GSR: variants seen among roughly 807,000 people sequenced by gnomAD.
The protein encoded by GSR is glutathione-disulfide reductase.
Under a neutral mutation model 56.5 loss-of-function variants are expected in GSR, and 48 were observed. The ratio of observed to expected loss-of-function variants is 0.85; its 90% CI spans 0.67 to 1.08. The LOEUF (loss-of-function observed/expected upper bound fraction) is 1.08, where lower values mean the gene tolerates loss of function less well. Ranked by LOEUF, GSR falls within the 50% of genes least tolerant of loss-of-function variation. GSR has a pLI of 0.00. For synonymous variants in GSR, 264 were observed against 270.8 expected (o/e 0.97, Z 0.25); for missense variants, 694 against 703.3 (o/e 0.99, Z 0.15).
chr8:30,699,210 G>C (rs1198748931), intron 6 of GSR, among the ~76,000 whole-genome samples: 1 of 151,984 alleles, frequency 6.6e-6, no homozygotes, highest in Non-Finnish European at 1.5e-5. Context: ...AGGATTGCTT[G>C]AGCCCAAGAG....
At chr8:30,720,268 T>C (rs1485388382) in intron 1 of GSR, among the ~76,000 whole-genome samples, 1 of 152,122 alleles carries the variant, frequency 6.6e-6, no homozygotes, top group Admixed American at 6.6e-5. Context: ...CACCACAGAA[T>C]TGCCTACAGT....
chr8:30,723,153 T>C (rs975645829), intron 1 of GSR, among the ~76,000 whole-genome samples: 2 of 152,112 alleles, frequency 1.3e-5, no homozygotes, highest in Non-Finnish European at 2.9e-5. Context: ...AGCAGCAATT[T>C]AGAAACAACT....
At chr8:30,718,724 G>A (rs1804426001) in intron 1 of GSR, among the ~76,000 whole-genome samples, 1 of 152,012 alleles carries the variant, frequency 6.6e-6, no homozygotes. Flanking sequence ...TTCTCCAGGT[G>A]GGCATTAATG....
At chr8:30,724,961 T>C (rs1172163414) in intron 1 of GSR, among the ~76,000 whole-genome samples, 1 of 152,202 alleles carries the variant, frequency 6.6e-6, no homozygotes, top group Non-Finnish European at 1.5e-5. Flanking sequence ...AGCTGTCTGT[T>C]TGGGAACAAA....
At chr8:30,698,866 C>T (rs573479679) in intron 6 of GSR, among the ~76,000 whole-genome samples, 7 of 152,214 alleles carry the variant, frequency 4.6e-5, no homozygotes, top group African/African-American at 1.7e-4. Flanking sequence ...TGGGTCCCTC[C>T]ACCTGTTTCC....
intron 9 of GSR, among the ~76,000 whole-genome samples, chr8:30,684,759 T>A (rs1348723173): frequency 6.6e-6 from 1 of 151,540 alleles, no homozygotes; most frequent in African/African-American, 2.4e-5. Context: ...TTTATTTAGT[T>A]TTTTTTTAGA....
At chr8:30,718,540 C>A (rs183150469) in intron 1 of GSR, among the ~76,000 whole-genome samples, 147 of 152,228 alleles carry the variant, frequency 9.7e-4, no homozygotes, top group African/African-American at 3.3e-3. Context: ...ACAAGGCATA[C>A]GGAAAGGCGG....
chr8:30,679,364 A>T lies in GSR; in HGVS notation c.*156T>A. Reference sequence around the variant, plus strand: ...TAACACTACAAATTTCTAACTCCATAAATAAGTTCTATTATGTACTAAAAA... The same window carrying T: ...TAACACTACAAATTTCTAACTCCATTAATAAGTTCTATTATGTACTAAAAA... On this transcript the variant is annotated 3_prime_UTR_variant, in exon 13 of 13. Coordinates refer to ENST00000221130, the MANE Select transcript of GSR (RefSeq NM_000637.5). 1.4e-6 allele frequency: 1 copy of T among 702,268 alleles called. No individual in the cohort carries two copies. Among genetic ancestry groups the T allele is most frequent in the Non-Finnish European group, 2.5e-6 (1 of 401,682 alleles). The allele number at this position is 702,268 out of a possible 1,614,324, so 43.5% of individuals were successfully genotyped here.
At position 30,682,658 on chromosome 8, in the gene GSR, C is replaced by T. The variant is rs16877266; in HGVS notation, c.1154-597G>A. 9.8e-3 allele frequency among the ~76,000 whole-genome samples: 1,493 copies of T among 152,258 alleles called. 27 individuals are homozygous for T. Among genetic ancestry groups the T allele is most frequent in the African/African-American group, 0.034 (1,413 of 41,532 alleles). On this transcript the variant is annotated intron_variant, in intron 10 of 12. Coordinates refer to ENST00000221130, the MANE Select transcript of GSR (RefSeq NM_000637.5). ...GACACATTCACAAGTTCTCACTTAC[C>T]TGGCAGTTAATCTACTTAATGAAGA...
rs1035237960 is a variant in GSR at position 30,707,983 on chromosome 8, A to C, written c.492+89T>G. 3.5e-5 allele frequency: 27 copies of C among 769,730 alleles called. 1 individual carries two copies. In the South Asian group the frequency reaches 4.7e-4, roughly 13 times the overall value. The allele number at this position is 769,730 out of a possible 1,614,324, so 47.7% of individuals were successfully genotyped here. A position where few individuals can be genotyped will look rare whatever the true frequency, so the allele number is the denominator to read the frequency against. ...AAAAAAATAATAATAAAAATAAATA[A>C]ATAAATAGGGCTACAGTCTGGCAAG... On this transcript the variant is annotated intron_variant, in intron 4 of 12. Transcript: ENST00000221130.
At position 30,693,074 on chromosome 8, in the gene GSR, A is replaced by T. The variant is rs776218595; in HGVS notation, c.796-19T>A. On this transcript the variant is annotated intron_variant, in intron 7 of 12. Coordinates refer to ENST00000221130, the MANE Select transcript of GSR (RefSeq NM_000637.5). ...TAAGTACCTGCATATCAACATAGGG[A>T]TGGGTAATGCGAGAGGAAGAAAACT... 6.7e-7 allele frequency: 1 copy of T among 1,483,802 alleles called. No individual in the cohort carries two copies. 91.9% of individuals were successfully genotyped at this position (1,483,802 alleles called of 1,614,324 possible). A position where few individuals can be genotyped will look rare whatever the true frequency, so the allele number is the denominator to read the frequency against.
In GSR at chr8:30,727,763, C is replaced by A; in HGVS notation, c.73G>T (p.Gly25Cys). 7.3e-7 allele frequency: 1 copy of A among 1,374,828 alleles called. No homozygotes were observed. 85.2% of individuals were successfully genotyped at this position (1,374,828 alleles called of 1,614,324 possible). ...GGCTCGGGCAGAAGCAGCAGGAAGC[C>A]TCGGAAGGCGCGCGCCGCCCGCCGC... Reference protein sequence around the residue: ...SWRRAARAFRGFLLLLPEPAA... With the variant: ...SWRRAARAFRCFLLLLPEPAA... Residue 25 changes from glycine to cysteine, a missense_variant, in exon 1 of 13, where the codon GGC (glycine) becomes TGC (cysteine). Physicochemically the swap from Gly to Cys is radical, Grantham distance 159 (BLOSUM62 -3). Coordinates refer to ENST00000221130, the MANE Select transcript of GSR (RefSeq NM_000637.5).
intron 2 of GSR, among the ~76,000 whole-genome samples, 184 bp downstream of exon 2, chr8:30,711,877 TA>T (rs147753315): frequency 1.7e-4 from 26 of 151,616 alleles, no homozygotes; most frequent in Admixed American, 7.9e-4. Flanking sequence ...TAAAAATAAA[TA>T]AAAAAATTTA....
intron 4 of GSR, among the ~76,000 whole-genome samples, chr8:30,706,558 A>G (rs1449348152): frequency 6.6e-6 from 1 of 152,164 alleles, no homozygotes; most frequent in African/African-American, 2.4e-5. Flanking sequence ...TAGAAACAGC[A>G]AAGTGAGACC....
chr8:30,680,426 G>A (rs1026354900), intron 12 of GSR, among the ~76,000 whole-genome samples: 3 of 115,716 alleles, frequency 2.6e-5, no homozygotes, highest in Admixed American at 2.5e-4. Flanking sequence ...ATGGAGTCTC[G>A]CTTTGTCTCC....
intron 3 of GSR, among the ~76,000 whole-genome samples, chr8:30,709,526 T>A (rs1414780474): frequency 1.3e-5 from 2 of 152,116 alleles, no homozygotes; most frequent in African/African-American, 2.4e-5. Flanking sequence ...AGAATAGAGG[T>A]TCCCAGGGGC....
chr8:30,703,828 GAAGA>G (rs1288355720), intron 4 of GSR, among the ~76,000 whole-genome samples: 4 of 151,004 alleles, frequency 2.6e-5, no homozygotes, highest in East Asian at 3.9e-4. Context: ...GGAGGAGGAG[GAAGA>G]AAGAAAGAAG....
intron 1 of GSR, among the ~76,000 whole-genome samples, chr8:30,724,724 C>T (rs2467539): frequency 0.8 from 121,612 of 151,552 alleles, 54,131 homozygotes; most frequent in Non-Finnish European, 0.98. Context: ...TTAGTAGAGA[C>T]GGAGTTTCAC....
In GSR at chr8:30,709,786, A is replaced by G. The variant is rs760982710; in HGVS notation, c.422+28T>C. ...AAAAGAAAAATATCTACACTTGGAA[A>G]CTGAACCCTCTGAGTGTTGACACTT... On this transcript the variant is annotated intron_variant, in intron 3 of 12. Coordinates refer to ENST00000221130, the MANE Select transcript of GSR (RefSeq NM_000637.5). The G allele has an allele frequency of 1.9e-5, 24 of 1,249,528 alleles. No individual in the cohort carries two copies. The South Asian group carries it at 2.7e-4, about 14-fold the overall frequency. 77.4% of individuals were successfully genotyped at this position (1,249,528 alleles called of 1,614,324 possible). A position where few individuals can be genotyped will look rare whatever the true frequency, so the allele number is the denominator to read the frequency against.
Sources: gnomAD v4.1 joint callset for allele counts (sites outside exome capture counted in the v4.1 genomes callset) on GRCh38, gnomAD v4.1.1 for gene constraint, MANE v1.5 for transcripts, NCBI Gene and HGNC (gene_info 2026-07-23, HGNC 2026-07-21) for gene names.